ADAMTSL3: variants seen among roughly 807,000 people sequenced by gnomAD.
ADAMTSL3 encodes ADAMTS-like protein 3.
ADAMTSL3 carries 128 observed loss-of-function variants against 201.7 expected under a neutral mutation model. The ratio of observed to expected loss-of-function variants is 0.63; its 90% CI spans 0.55 to 0.73. ADAMTSL3 has a LOEUF of 0.73. ADAMTSL3 is among the 30% of genes least tolerant of loss of function. The probability of loss-of-function intolerance (pLI) is 0.00; values close to 1 mark genes in which losing one functional copy is unlikely to be tolerated. For missense variants in ADAMTSL3, 1,990 were observed against 2,119.6 expected (o/e 0.94, Z 1.20); for synonymous variants, 738 against 748.4 (o/e 0.99, Z 0.23).
intron 5 of ADAMTSL3, among the ~76,000 whole-genome samples, chr15:83,816,518 A>G (rs1397719823): frequency 6.6e-6 from 1 of 152,210 alleles, no homozygotes; most frequent in Non-Finnish European, 1.5e-5. Context: ...CAGTCCCTAG[A>G]GAATGCTTGC....
At chr15:83,708,425 G>A (rs1567088109) in intron 3 of ADAMTSL3, among the ~76,000 whole-genome samples, 1 of 152,144 alleles carries the variant, frequency 6.6e-6, no homozygotes, top group Non-Finnish European at 1.5e-5. Context: ...TAACCCTGAG[G>A]CCAGTAACAC....
At chr15:83,912,769 T>C (rs2065955677) in intron 15 of ADAMTSL3, among the ~76,000 whole-genome samples, 1 of 152,180 alleles carries the variant, frequency 6.6e-6, no homozygotes, top group Non-Finnish European at 1.5e-5. Context: ...TTAGAAATGA[T>C]CTCCATATGA....
At chr15:83,958,965 G>A (rs1398904783) in intron 19 of ADAMTSL3, among the ~76,000 whole-genome samples, 2 of 152,090 alleles carry the variant, frequency 1.3e-5, no homozygotes, top group Non-Finnish European at 2.9e-5. Flanking sequence ...AAAGATTCAA[G>A]TGCAGATAAT....
intron 14 of ADAMTSL3, among the ~76,000 whole-genome samples, chr15:83,899,427 A>C (rs1030281303): frequency 1.3e-5 from 2 of 152,120 alleles, no homozygotes; most frequent in African/African-American, 4.8e-5. Context: ...TCATGTGATC[A>C]TTTTGGTTGC....
At chr15:83,655,130 AT>A (rs1292793451) in intron 1 of ADAMTSL3, among the ~76,000 whole-genome samples, 4 of 151,840 alleles carry the variant, frequency 2.6e-5, no homozygotes, top group Non-Finnish European at 5.9e-5. Context: ...CTTTTAGGAG[AT>A]TGTGTTAGGC....
chr15:83,716,515 CAA>C (rs751248003), intron 3 of ADAMTSL3, among the ~76,000 whole-genome samples: 9 of 53,648 alleles, frequency 1.7e-4, no homozygotes, highest in Non-Finnish European at 2.8e-4. Context: ...AACTCCGTCT[CAA>C]AAAAAAAAAA....
intron 24 of ADAMTSL3, among the ~76,000 whole-genome samples, chr15:84,015,914 G>A (rs1251988938): frequency 6.6e-6 from 1 of 152,192 alleles, no homozygotes; most frequent in African/African-American, 2.4e-5. Context: ...ACTTGATGGA[G>A]AGGTCAAATC....
intron 3 of ADAMTSL3, among the ~76,000 whole-genome samples, chr15:83,748,241 A>G (rs944372532): frequency 2.0e-5 from 3 of 152,206 alleles, no homozygotes; most frequent in Non-Finnish European, 4.4e-5. Context: ...AGAATGACAT[A>G]TTAGTTGAAG....
chr15:83,702,811 C>T (rs955024334), intron 2 of ADAMTSL3, among the ~76,000 whole-genome samples: 1 of 152,148 alleles, frequency 6.6e-6, no homozygotes, highest in African/African-American at 2.4e-5. Flanking sequence ...GGTCGGAGCC[C>T]CCATACAGAG....
chr15:83,926,167 GCAGGAATCTGC>G (rs2066242417), intron 17 of ADAMTSL3, among the ~76,000 whole-genome samples: 1 of 152,192 alleles, frequency 6.6e-6, no homozygotes, highest in African/African-American at 2.4e-5. Flanking sequence ...ATAAACACAG[GCAGGAATCTGC>G]CAGGAGAGGT....
chr15:84,036,927 C>G lies in ADAMTSL3; in HGVS notation c.4909C>G (p.His1637Asp). The G allele has an allele frequency of 6.2e-7, 1 of 1,614,120 alleles. No homozygotes were observed. Among genetic ancestry groups the G allele is most frequent in the Non-Finnish European group, 8.5e-7 (1 of 1,180,010 alleles). ...GAGTTGCAAACCTGTGGCCAAGAGA[C>G]ACTGTGTACAGAAAAAGAAACCAAT... is the stretch of plus-strand genomic sequence containing the variant. Reference protein sequence around the residue: ...TRSCKPVAKRHCVQKKKPISW... With the variant: ...TRSCKPVAKRDCVQKKKPISW... The change falls in exon 29 of 30, where the codon CAC (histidine) becomes GAC (aspartate). Residue 1637 changes from histidine to aspartate, a missense_variant. By Grantham distance (81) the His-to-Asp change is moderately conservative. Coordinates refer to ENST00000286744, the MANE Select transcript of ADAMTSL3 (RefSeq NM_207517.3).
intron 2 of ADAMTSL3, among the ~76,000 whole-genome samples, chr15:83,686,809 C>A (rs2061542661): frequency 6.6e-6 from 1 of 152,160 alleles, no homozygotes; most frequent in African/African-American, 2.4e-5. Context: ...GTAAGAACTA[C>A]TCCAGGATCT....
chr15:83,942,663 T>TA lies in ADAMTSL3; in HGVS notation c.2186dup (p.Tyr729Ter). Reference sequence around the variant, plus strand: ...AGTTGGAATTCAGACCCGAGATGTGTACTGCCTGCACCCAGGGGAGACCCC... The same window carrying TA: ...AGTTGGAATTCAGACCCGAGATGTGTAACTGCCTGCACCCAGGGGAGACCCC... Reference protein sequence around the residue: ...CGVGIQTRDVYCLHPGETPAP... With the variant: ...CGVGIQTRDV The change falls in exon 18 of 30, where the codon TAC becomes TAAC. Residue 729 changes from tyrosine to a stop codon, truncating the protein, a stop_gained and frameshift_variant. Coordinates refer to ENST00000286744, the MANE Select transcript of ADAMTSL3 (RefSeq NM_207517.3). LOFTEE classifies it high-confidence loss of function. 1 of 1,614,138 alleles carries TA rather than the reference T, an allele frequency of 6.2e-7. No individual in the cohort carries two copies. The highest frequency in any genetic ancestry group is 1.1e-5 in the South Asian group (1 of 91,084).
At chr15:83,686,029 G>T (rs2061531944) in intron 2 of ADAMTSL3, among the ~76,000 whole-genome samples, 1 of 152,072 alleles carries the variant, frequency 6.6e-6, no homozygotes, top group Admixed American at 6.6e-5. Context: ...TCCTGGTCTG[G>T]CCTCTTCTCC....
At position 83,942,769 on chromosome 15, in the gene ADAMTSL3, A is replaced by T; in HGVS notation, c.2291A>T (p.His764Leu). 1 of 1,613,584 alleles carries T rather than the reference A, an allele frequency of 6.2e-7. No homozygotes were observed. The highest frequency in any genetic ancestry group is 8.5e-7 in the Non-Finnish European group (1 of 1,179,770). The change falls in exon 18 of 30, where the codon CAC becomes CTC. Residue 764 changes from histidine to leucine, a missense_variant. By Grantham distance (99) the His-to-Leu change is moderately conservative (BLOSUM62 -3). Coordinates refer to ENST00000286744, the MANE Select transcript of ADAMTSL3 (RefSeq NM_207517.3). ...CAGTTTGACTGCCCTCCTGGCTGGC[A>T]CATTGAAGAATGGCAGCAGGTAGGG... Reference protein sequence around the residue: ...CNQFDCPPGWHIEEWQQCSRT... With the variant: ...CNQFDCPPGWLIEEWQQCSRT...
At chr15:84,004,845 T>G (rs2067865619) in intron 23 of ADAMTSL3, among the ~76,000 whole-genome samples, 1 of 152,220 alleles carries the variant, frequency 6.6e-6, no homozygotes, top group Non-Finnish European at 1.5e-5. Flanking sequence ...TGATCTGCAA[T>G]GGCGAGAACA....
chr15:83,876,214 TA>T (rs2065174558), intron 9 of ADAMTSL3, among the ~76,000 whole-genome samples: 1 of 152,208 alleles, frequency 6.6e-6, no homozygotes, highest in Admixed American at 6.5e-5. Flanking sequence ...CTTTCATTCC[TA>T]AACTCGTTTA....
chr15:83,819,172 G>C (rs1455334715), intron 5 of ADAMTSL3, among the ~76,000 whole-genome samples: 1 of 149,786 alleles, frequency 6.7e-6, no homozygotes, highest in East Asian at 2.0e-4. Flanking sequence ...CAGGGGGGCT[G>C]AAGCAGGAGA....
chr15:84,030,171 G>A (rs541309576), intron 27 of ADAMTSL3, among the ~76,000 whole-genome samples: 2 of 152,326 alleles, frequency 1.3e-5, no homozygotes, highest in South Asian at 4.1e-4. Context: ...GGAGCTGTGA[G>A]AAGAGGACCA....
Sources: gnomAD v4.1 joint callset for allele counts (sites outside exome capture counted in the v4.1 genomes callset) on GRCh38, gnomAD v4.1.1 for gene constraint, MANE v1.5 for transcripts, NCBI Gene and HGNC (gene_info 2026-07-23, HGNC 2026-07-21) for gene names.